Variants in MAGI2 observed in about 807,000 individuals in gnomAD.
The protein encoded by MAGI2 is membrane-associated guanylate kinase, WW and PDZ domain-containing protein 2.
MAGI2 carries 35 observed loss-of-function variants against 133.3 expected under a neutral mutation model. That is an observed-to-expected ratio of 0.26 (90% CI 0.20 to 0.35). The LOEUF is 0.35. MAGI2 is among the 10% of genes least tolerant of loss of function. MAGI2 has a pLI of 1.00. For synonymous variants in MAGI2, 729 were observed against 710.6 expected (o/e 1.03, Z -0.41); for missense variants, 1,636 against 1,863.4 (o/e 0.88, Z 2.25).
chr7:78,102,410 T>C (rs556446305), intron 20 of MAGI2, among the ~76,000 whole-genome samples: 17 of 152,344 alleles, frequency 1.1e-4, no homozygotes, highest in African/African-American at 3.8e-4. Context: ...ATTAGTTTGA[T>C]TGTGGAAATC....
chr7:78,333,743 C>T (rs988219790), intron 9 of MAGI2, among the ~76,000 whole-genome samples: 2 of 152,188 alleles, frequency 1.3e-5, no homozygotes, highest in African/African-American at 4.8e-5. Context: ...AGGCATGAAG[C>T]GTGAGTGAAG....
chr7:78,267,380 G>A (rs1431046486), intron 9 of MAGI2, among the ~76,000 whole-genome samples: 1 of 152,212 alleles, frequency 6.6e-6, no homozygotes, highest in Non-Finnish European at 1.5e-5. Flanking sequence ...TGACGAGAGA[G>A]CCCTTCTAAC....
intron 2 of MAGI2, among the ~76,000 whole-genome samples, chr7:78,642,146 T>C (rs12668382): frequency 0.061 from 9,319 of 152,266 alleles, 401 homozygotes; most frequent in Non-Finnish European, 0.086. Context: ...ATCCCATGTG[T>C]ATGTTACATG....
intron 2 of MAGI2, among the ~76,000 whole-genome samples, chr7:78,797,205 T>C (rs1450755199): frequency 6.6e-6 from 1 of 152,162 alleles, no homozygotes; most frequent in Non-Finnish European, 1.5e-5. Context: ...GATTTGATCA[T>C]TCAATATCGT....
chr7:78,643,702 T>C (rs891439260), intron 2 of MAGI2, among the ~76,000 whole-genome samples: 3 of 152,054 alleles, frequency 2.0e-5, no homozygotes, highest in Non-Finnish European at 2.9e-5. Flanking sequence ...AATAACAATA[T>C]AGTGAATTAA....
intron 3 of MAGI2, among the ~76,000 whole-genome samples, chr7:78,576,644 C>A (rs924420335): frequency 6.6e-6 from 1 of 152,156 alleles, no homozygotes; most frequent in African/African-American, 2.4e-5. Flanking sequence ...AACAGACAGG[C>A]CTTGCTGGGT....
intron 10 of MAGI2, among the ~76,000 whole-genome samples, chr7:78,243,316 A>G (rs955223548): frequency 6.6e-6 from 1 of 151,788 alleles, no homozygotes; most frequent in Admixed American, 6.6e-5. Flanking sequence ...AAATGTTAAT[A>G]GCAATGTGGG....
chr7:78,181,954 T>A (rs1349932963), intron 13 of MAGI2, among the ~76,000 whole-genome samples: 1 of 152,204 alleles, frequency 6.6e-6, no homozygotes, highest in African/African-American at 2.4e-5. Context: ...CACAACTGAT[T>A]AATTTTATGA....
At chr7:78,070,180 T>C (rs1204562342) in intron 21 of MAGI2, among the ~76,000 whole-genome samples, 2,025 of 24,048 alleles carry the variant, frequency 0.084, 32 homozygotes, top group East Asian at 0.14. Flanking sequence ...CACACATATA[T>C]ATATATATAT....
intron 20 of MAGI2, among the ~76,000 whole-genome samples, chr7:78,101,681 C>T (rs780136543): frequency 6.6e-6 from 1 of 151,962 alleles, no homozygotes; most frequent in African/African-American, 2.4e-5. Flanking sequence ...GCACAGGAAA[C>T]AAAAACAAAA....
chr7:79,180,276 AT>A (rs1327864068), intron 1 of MAGI2, among the ~76,000 whole-genome samples: 1 of 152,022 alleles, frequency 6.6e-6, no homozygotes, highest in Non-Finnish European at 1.5e-5. Context: ...TGTTGAGAGT[AT>A]TAGTCTGTTT....
intron 1 of MAGI2, among the ~76,000 whole-genome samples, chr7:79,417,750 C>CAA (rs66901516): frequency 1.1e-3 from 144 of 129,880 alleles, no homozygotes; most frequent in East Asian, 3.5e-3. Context: ...CACATATGCA[C>CAA]AAAAAAAAAA....
chr7:78,624,243 T>C (rs1808073990), intron 3 of MAGI2, among the ~76,000 whole-genome samples: 1 of 152,118 alleles, frequency 6.6e-6, no homozygotes, highest in Non-Finnish European at 1.5e-5. Flanking sequence ...GATTGAGACA[T>C]TTTCTCCCAT....
At chr7:78,411,812 A>T in intron 6 of MAGI2, among the ~76,000 whole-genome samples, 1 of 152,048 alleles carries the variant, frequency 6.6e-6, no homozygotes, top group East Asian at 1.9e-4. Flanking sequence ...ACTTATGCAT[A>T]TCAAACCCTG....
intron 9 of MAGI2, among the ~76,000 whole-genome samples, chr7:78,339,498 A>G (rs1459107295): frequency 1.3e-5 from 2 of 152,200 alleles, no homozygotes; most frequent in African/African-American, 4.8e-5. Context: ...AGTCTTTTCT[A>G]GTTTTGAAAC....
At chr7:79,104,999 A>G (rs1025236657) in intron 1 of MAGI2, among the ~76,000 whole-genome samples, 1 of 152,214 alleles carries the variant, frequency 6.6e-6, no homozygotes, top group African/African-American at 2.4e-5. Context: ...TTATGCAAAT[A>G]TTCCTCTTTG....
At chr7:79,245,568 T>A (rs957047624) in intron 1 of MAGI2, among the ~76,000 whole-genome samples, 1 of 152,172 alleles carries the variant, frequency 6.6e-6, no homozygotes, top group Non-Finnish European at 1.5e-5. Flanking sequence ...ATGGTAATAA[T>A]GGGAAGGACT....
intron 2 of MAGI2, among the ~76,000 whole-genome samples, chr7:78,860,280 A>G (rs561856304): frequency 6.6e-6 from 1 of 152,244 alleles, no homozygotes; most frequent in African/African-American, 2.4e-5. Context: ...GATTTGTTCC[A>G]TTGCTGAGGA....
intron 3 of MAGI2, among the ~76,000 whole-genome samples, chr7:78,553,853 G>A (rs1449654557): frequency 6.6e-6 from 1 of 152,050 alleles, no homozygotes; most frequent in Admixed American, 6.6e-5. Context: ...ATATGTATTT[G>A]TCCTACTCCA....
Sources: gnomAD v4.1 joint callset for allele counts (sites outside exome capture counted in the v4.1 genomes callset) on GRCh38, gnomAD v4.1.1 for gene constraint, MANE v1.5 for transcripts, NCBI Gene and HGNC (gene_info 2026-07-23, HGNC 2026-07-21) for gene names.